TRIO: variants seen among roughly 807,000 people sequenced by gnomAD.
The protein encoded by TRIO is triple functional domain protein.
TRIO carries 58 observed loss-of-function variants against 351.9 expected under a neutral mutation model. The ratio of observed to expected loss-of-function variants is 0.16; its 90% CI spans 0.13 to 0.21. The LOEUF is 0.21. Ranked by LOEUF, TRIO falls within the 10% of genes least tolerant of loss-of-function variation. The pLI is 1.00. For missense variants in TRIO, 3,201 were observed against 4,027.8 expected, an observed-to-expected ratio of 0.79 and a Z score of 5.56; for synonymous variants, 1,758 against 1,595.7, an observed-to-expected ratio of 1.10 and a Z score of -2.42.
intron 1 of TRIO, among the ~76,000 whole-genome samples, chr5:14,182,429 G>A (rs1789845062): frequency 6.6e-6 from 1 of 152,222 alleles, no homozygotes; most frequent in South Asian, 2.1e-4. Flanking sequence ...CAGAGTGTAG[G>A]TGGAATAGCA....
rs368547181 is a variant in TRIO, at chr5:14,269,133, TC to T, written c.158-1690del. Among the ~76,000 whole-genome samples the T allele has an allele frequency of 3.3e-3, 510 of 152,324 alleles. 2 individuals carry two copies. The highest frequency in any genetic ancestry group is 0.012 in the African/African-American group (492 of 41,566). On this transcript the variant is annotated intron_variant, in intron 1 of 56. Transcript: ENST00000344204. ...ATCTACCCATAACTGGCTGAATAGTTCCACGCAGCCTTCCTAGGACCTCATG... is the reference window on the plus strand; with the variant it reads ...ATCTACCCATAACTGGCTGAATAGTTCACGCAGCCTTCCTAGGACCTCATG...
At chr5:14,182,282 A>G (rs1789829565) in intron 1 of TRIO, among the ~76,000 whole-genome samples, 1 of 152,010 alleles carries the variant, frequency 6.6e-6, no homozygotes, top group African/African-American at 2.4e-5. Context: ...ATTTGGTAGA[A>G]CCGCCTATTA....
chr5:14,474,355 G>A (rs952574538), intron 40 of TRIO, among the ~76,000 whole-genome samples: 1 of 152,200 alleles, frequency 6.6e-6, no homozygotes, highest in Non-Finnish European at 1.5e-5. Flanking sequence ...CACCAGCGTG[G>A]AGCCAGCTGC....
rs964208465 is a variant in TRIO, at chr5:14,359,292, G to A, written c.2217-65G>A. ...TCTTCCCCTGAAGATTTGCGTGGCCGGATCTGGTATCTAACAATGTGTGAC... is the reference window on the plus strand; with the variant it reads ...TCTTCCCCTGAAGATTTGCGTGGCCAGATCTGGTATCTAACAATGTGTGAC... On this transcript the variant is annotated intron_variant, in intron 12 of 56. Coordinates refer to ENST00000344204, the MANE Select transcript of TRIO (RefSeq NM_007118.4). The A allele has an allele frequency of 1.2e-5, 19 of 1,553,866 alleles. No individual in the cohort carries two copies. In the African/African-American group the frequency reaches 1.5e-4, roughly 12 times the overall value.
intron 1 of TRIO, among the ~76,000 whole-genome samples, chr5:14,234,469 G>A (rs1793653894): frequency 2.6e-5 from 4 of 152,172 alleles, no homozygotes; most frequent in Non-Finnish European, 1.5e-5. Context: ...GATGTTTGCC[G>A]GAGGTAGCCC....
intron 1 of TRIO, among the ~76,000 whole-genome samples, chr5:14,257,996 C>T (rs189803433): frequency 2.1e-3 from 326 of 152,302 alleles, no homozygotes; most frequent in African/African-American, 7.3e-3. Context: ...ATTTCACAGA[C>T]GAGGAAGCGA....
intron 1 of TRIO, among the ~76,000 whole-genome samples, chr5:14,269,142 C>G (rs939359709): frequency 6.6e-6 from 1 of 152,168 alleles, no homozygotes; most frequent in Non-Finnish European, 1.5e-5. Flanking sequence ...TTCCACGCAG[C>G]CTTCCTAGGA....
chr5:14,278,271 G>A (rs762216525), intron 2 of TRIO, among the ~76,000 whole-genome samples: 93 of 152,324 alleles, frequency 6.1e-4, no homozygotes, highest in African/African-American at 2.0e-3. Context: ...ATGGCCGTGC[G>A]CATTGTGCAA....
At chr5:14,476,798 AAAAAAG>A in intron 40 of TRIO, 90 bp from the exon 41 acceptor site, 2 of 1,133,120 alleles carry the variant, frequency 1.8e-6, no homozygotes, top group Non-Finnish European at 2.5e-6. Context: ...TCTCAAAAAA[AAAAAAG>A]AAAAAAAGAA....
At chr5:14,419,633 G>A (rs1749947238) in intron 33 of TRIO, 145 bp from the exon 34 acceptor site, 2 of 1,016,116 alleles carry the variant, frequency 2.0e-6, no homozygotes, top group East Asian at 2.5e-5. Flanking sequence ...TTCATACGGA[G>A]AGTGCAGTGA....
chr5:14,201,991 A>G (rs1483361576), intron 1 of TRIO, among the ~76,000 whole-genome samples: 5 of 133,522 alleles, frequency 3.7e-5, no homozygotes, highest in Non-Finnish European at 7.9e-5. Context: ...GGGGGGAGGG[A>G]TAGCATTAGG....
chr5:14,493,183 C>T (rs569645530), intron 49 of TRIO, among the ~76,000 whole-genome samples: 1 of 151,934 alleles, frequency 6.6e-6, no homozygotes, highest in Admixed American at 6.5e-5. Flanking sequence ...ATTCTTAGGC[C>T]GCATATTAGT....
intron 54 of TRIO, among the ~76,000 whole-genome samples, chr5:14,503,248 C>T (rs1414558436): frequency 6.6e-6 from 1 of 152,234 alleles, no homozygotes; most frequent in East Asian, 1.9e-4. Context: ...AGGAGCATGA[C>T]AGCTGTCCTT....
chr5:14,143,772 G>T lies in TRIO; in HGVS notation c.47G>T (p.Gly16Val), dbSNP rs1332937106. The T allele has an allele frequency of 4.0e-6, 4 of 1,008,944 alleles. No individual in the cohort carries two copies. 62.5% of individuals were successfully genotyped at this position (1,008,944 alleles called of 1,614,324 possible). The stretch of plus-strand genomic sequence containing the variant: ...GCCGCCGCCCCCGCCGCGTCCTCCG[G>T]CCCCGCCGCGGCGGCCAGCGCGGCT... ...GGAAAPAASSGPAAAASAAGS... is the reference protein window; with the variant it reads ...GGAAAPAASSVPAAAASAAGS... The change falls in exon 1 of 57, where the codon GGC (glycine) becomes GTC (valine). Residue 16 changes from glycine (G) to valine (V), a missense_variant. Around this residue, in one of 19 missense-constraint regions of TRIO, gnomAD observed 109 missense variants for 134.6 expected, o/e 0.81. Transcript: ENST00000344204.
intron 31 of TRIO, among the ~76,000 whole-genome samples, chr5:14,405,088 TAA>T (rs3214756): frequency 2.0e-4 from 28 of 137,980 alleles, no homozygotes; most frequent in Admixed American, 4.3e-4. Flanking sequence ...GAGGCAGAGT[TAA>T]AAAAAAAAAA....
chr5:14,343,405 T>C (rs184422523), intron 11 of TRIO, among the ~76,000 whole-genome samples: 6 of 152,254 alleles, frequency 3.9e-5, no homozygotes, highest in African/African-American at 7.2e-5. Context: ...TTCAGTGATA[T>C]CTAACCCCTG....
chr5:14,260,727 A>T (rs933058975), intron 1 of TRIO, among the ~76,000 whole-genome samples: 2 of 152,358 alleles, frequency 1.3e-5, no homozygotes, highest in Non-Finnish European at 2.9e-5. Context: ...TGCAGTGGGC[A>T]TGGACCTAAA....
rs1757813706 is a variant in TRIO, at chr5:14,507,806, A to G, written c.8752-74A>G. ...TCCTAGATTCCTTCCACCTCACCAT[A>G]GAGTCCCGCCCATCATCACGAGTAA... On this transcript the variant is annotated intron_variant, in intron 56 of 56. Transcript: ENST00000344204. The G allele has an allele frequency of 1.0e-5, 16 of 1,528,886 alleles. 1 individual carries two copies. In the South Asian group the frequency reaches 2.1e-4, roughly 20 times the overall value. The allele number at this position is 1,528,886 out of a possible 1,614,324, so 94.7% of individuals were successfully genotyped here. A position where few individuals can be genotyped will look rare whatever the true frequency, so the allele number is the denominator to read the frequency against.
At chr5:14,281,827 G>C (rs141668484) in intron 3 of TRIO, among the ~76,000 whole-genome samples, 2 of 152,316 alleles carry the variant, frequency 1.3e-5, no homozygotes, top group East Asian at 3.9e-4. Flanking sequence ...TGGCTAGATA[G>C]TAACCTTAAG....
Sources: allele counts gnomAD v4.1 joint callset (sites outside exome capture counted in the v4.1 genomes callset), GRCh38; gene constraint gnomAD v4.1.1; regional missense constraint gnomAD v4.1.1; transcripts MANE v1.5; gene names NCBI Gene and HGNC (gene_info 2026-07-23, HGNC 2026-07-21).